SH3D21: variants seen among roughly 807,000 people sequenced by gnomAD.
SH3D21 encodes the protein manchette microtubule inner protein 1.
Under a neutral mutation model 82.1 loss-of-function variants are expected in SH3D21, and 83 were observed. The ratio of observed to expected loss-of-function variants is 1.01; its 90% confidence interval spans 0.85 to 1.21. SH3D21 has a LOEUF of 1.21. SH3D21 is among the 50% of genes most tolerant of loss of function. The probability of loss-of-function intolerance (pLI) is 0.00; values close to 1 mark genes in which losing one functional copy is unlikely to be tolerated. For synonymous variants in SH3D21, 383 were observed against 387.8 expected (o/e 0.99, Z 0.15); for missense variants, 980 against 962.1 (o/e 1.02, Z -0.25).
At chr1:36,329,262 C>T (rs1412835852), downstream of SH3D21, 1 of 152,192 alleles carries the variant, frequency 6.6e-6, no homozygotes, top group Non-Finnish European at 1.5e-5. Flanking sequence ...GGTCACAGCT[C>T]TGTGTACAGA....
At position 36,321,017 on chromosome 1, in the gene SH3D21, G is replaced by A; in HGVS notation, c.2199+39G>A. The stretch of plus-strand genomic sequence containing the variant: ...CCCGGCGGGAGGGGGCTGACGGCGA[G>A]TGGCCCCCTGACAAAGTCTCCACCT... On this transcript the variant is annotated intron_variant, in intron 15 of 15. Transcript: ENST00000453908. The surrounding 1 kb of genome is among the most constrained non-coding windows in gnomAD (Gnocchi z 6.1). 6.3e-7 allele frequency: 1 copy of A among 1,587,590 alleles called. No individual in the cohort carries two copies. Among genetic ancestry groups the A allele is most frequent in the Non-Finnish European group, 8.6e-7 (1 of 1,167,654 alleles).
At position 36,307,420 on chromosome 1, in the gene SH3D21, G is replaced by A; in HGVS notation, c.346-97G>A. The A allele has an allele frequency of 6.6e-7, 1 of 1,504,792 alleles. No homozygotes were observed. The highest frequency in any genetic ancestry group is 9.0e-7 in the Non-Finnish European group (1 of 1,110,974). 93.2% of individuals were successfully genotyped at this position (1,504,792 alleles called of 1,614,324 possible). On this transcript the variant is annotated intron_variant, in intron 4 of 15. Transcript: ENST00000453908. This position sits in a 1 kb window ranked among gnomAD's most constrained non-coding sequence, Gnocchi z 5.4. Reference sequence around the variant, plus strand: ...TACGGGGAAGCGCGGGAGGGAAGGAGGGAGGAAGGGGCGCTTGGGCAGAAC... The same window carrying A: ...TACGGGGAAGCGCGGGAGGGAAGGAAGGAGGAAGGGGCGCTTGGGCAGAAC...
intron 10 of SH3D21, among the ~76,000 whole-genome samples, chr1:36,313,327 C>CAATAAATAAATAAATAAATA (rs60993866): frequency 0.02 from 2,907 of 142,530 alleles, 40 homozygotes; most frequent in African/African-American, 0.026. Context: ...CTCTGTCTCA[C>CAATAAATAAATAAATAAATA]AATAAATAAA....
intron 10 of SH3D21, among the ~76,000 whole-genome samples, chr1:36,316,588 T>TG (rs1646347812): frequency 6.6e-6 from 1 of 152,024 alleles, no homozygotes; most frequent in Non-Finnish European, 1.5e-5. Context: ...CACCAGAAGC[T>TG]GCTTCGGTCC....
intron 10 of SH3D21, 115 bp from the exon 11 acceptor site, chr1:36,318,956 G>C (rs893439797): frequency 1.6e-4 from 81 of 512,872 alleles, no homozygotes; most frequent in Non-Finnish European, 1.4e-4. Context: ...AATTAGCCGG[G>C]TGCAGTGGCG....
Position 36,306,768 on chromosome 1 carries a change from CA to C in SH3D21, c.162+14del. 1 of 1,290,608 alleles carries C rather than the reference CA, an allele frequency of 7.7e-7. No homozygotes were observed. The highest frequency in any genetic ancestry group is 1.2e-5 in the South Asian group (1 of 80,626). The allele number at this position is 1,290,608 out of a possible 1,614,324, so 79.9% of individuals were successfully genotyped here. ...GCGCCTGGTGCAGGTGAGGCCGAGC[CA>C]GGGGCGGGCTGTGGGGTCTCAGCGC... On this transcript the variant is annotated intron_variant, in intron 2 of 15. Transcript: ENST00000453908. The surrounding 1 kb of genome is among the most constrained non-coding windows in gnomAD (Gnocchi z 4.5).
chr1:36,306,851 G>C lies in SH3D21; in HGVS notation c.172G>C (p.Glu58Gln). 7.7e-7 allele frequency: 1 copy of C among 1,298,034 alleles called. No homozygotes were observed. Among genetic ancestry groups the C allele is most frequent in the Middle Eastern group, 3.2e-4 (1 of 3,128 alleles). The allele number at this position is 1,298,034 out of a possible 1,614,324, so 80.4% of individuals were successfully genotyped here. A position where few individuals can be genotyped will look rare whatever the true frequency, so the allele number is the denominator to read the frequency against. Reference protein sequence around the residue: ...FPERLVQEIPETLRGSGEARR... With the variant: ...FPERLVQEIPQTLRGSGEARR... ...GTGCCCTGATTCCCAGGAGATCCCA[G>C]AGACCCTGCGGGGCTCCGGAGAGGC... Residue 58 changes from glutamate to glutamine, a missense_variant, in exon 3 of 16, where the codon GAG becomes CAG. Coordinates refer to ENST00000453908, the MANE Select transcript of SH3D21 (RefSeq NM_001162530.2). The surrounding 1 kb of genome is among the most constrained non-coding windows in gnomAD (Gnocchi z 4.5).
downstream of SH3D21, chr1:36,323,755 G>C (rs56310351): frequency 0.064 from 9,659 of 152,022 alleles, 440 homozygotes; most frequent in Non-Finnish European, 0.096. Context: ...CCCGCGGGCC[G>C]TCCGTCCCCC....
rs747593094 is a variant in SH3D21 at position 36,320,549 on chromosome 1, C to T, written c.1886C>T (p.Thr629Ile). The T allele has an allele frequency of 1.1e-4, 172 of 1,614,040 alleles. No individual in the cohort carries two copies. Among genetic ancestry groups the T allele is most frequent in the Non-Finnish European group, 1.4e-4 (167 of 1,180,034 alleles). ...GGAGTGGCTTCCAAAGAGGAGGTGA[C>T]CCTGAAAGAGGAATTGCCCCCTAAA... is the stretch of plus-strand genomic sequence containing the variant. ...KEGVASKEEV[T>I]LKEELPPKEE... The change falls in exon 14 of 16, where the codon ACC (threonine) becomes ATC (isoleucine). Residue 629 changes from threonine (T) to isoleucine (I), a missense_variant. By Grantham distance (89) the Thr-to-Ile change is moderately conservative. Coordinates refer to ENST00000453908, the MANE Select transcript of SH3D21 (RefSeq NM_001162530.2).
chr1:36,319,908 C>G lies in SH3D21; in HGVS notation c.1245C>G (p.Thr415=), dbSNP rs200278284. The change falls in exon 14 of 16, where the codon ACC becomes ACG. Residue 415 remains threonine, a synonymous_variant. Transcript: ENST00000453908. Reference sequence around the variant, plus strand: ...TCCCAGCTCCTGACAAAGTCCCCACCCCAGAGAAGATGGTGACTCCGGAGG... The same window carrying G: ...TCCCAGCTCCTGACAAAGTCCCCACGCCAGAGAAGATGGTGACTCCGGAGG... ...GKIPAPDKVP[T]PEKMVTPEDK... is the part of the protein sequence containing the mutation. The G allele has an allele frequency of 1.3e-5, 21 of 1,614,026 alleles. No individual in the cohort carries two copies. Among genetic ancestry groups the G allele is most frequent in the Non-Finnish European group, 1.8e-5 (21 of 1,180,010 alleles).
Position 36,320,983 on chromosome 1 carries a change from G to C in SH3D21, c.2199+5G>C. On this transcript the variant is annotated splice_donor_5th_base_variant and intron_variant, in intron 15 of 15. Coordinates refer to ENST00000453908, the MANE Select transcript of SH3D21 (RefSeq NM_001162530.2). ...GAGCAGCGCCGGCGGCTGGAGGTGA[G>C]GCGCGGGTCCCGGCGGGAGGGGGCT... The C allele has an allele frequency of 6.4e-7, 1 of 1,573,220 alleles. No individual in the cohort carries two copies. The highest frequency in any genetic ancestry group is 1.2e-5 in the South Asian group (1 of 86,472).
In SH3D21 at chr1:36,307,665, C is replaced by T; in HGVS notation, c.436+58C>T. ...CAATCTCCAATGACCCTCCCAGTGGCATGAGCCTGTGATTCACATATCCTG... is the reference window on the plus strand; with the variant it reads ...CAATCTCCAATGACCCTCCCAGTGGTATGAGCCTGTGATTCACATATCCTG... On this transcript the variant is annotated intron_variant, in intron 5 of 15. Coordinates refer to ENST00000453908, the MANE Select transcript of SH3D21 (RefSeq NM_001162530.2). This position sits in a 1 kb window ranked among gnomAD's most constrained non-coding sequence, Gnocchi z 5.4. 1 of 1,542,552 alleles carries T rather than the reference C, an allele frequency of 6.5e-7. No homozygotes were observed. Among genetic ancestry groups the T allele is most frequent in the South Asian group, 1.2e-5 (1 of 83,336 alleles).
In SH3D21 at chr1:36,307,614, C is replaced by A. The variant is rs1444687457; in HGVS notation, c.436+7C>A. ...CTGGACAGTGGGCCCCCAAGTGAGA[C>A]CTCGACTCTGTGACCCTGTGACTCG... On this transcript the variant is annotated splice_region_variant and intron_variant, in intron 5 of 15. Coordinates refer to ENST00000453908, the MANE Select transcript of SH3D21 (RefSeq NM_001162530.2). The surrounding 1 kb of genome is among the most constrained non-coding windows in gnomAD (Gnocchi z 5.4). 6.4e-7 allele frequency: 1 copy of A among 1,551,250 alleles called. No homozygotes were observed. The highest frequency in any genetic ancestry group is 1.4e-5 in the African/African-American group (1 of 73,012).
chr1:36,328,520 CAGCACT>C (rs1178049835), downstream of SH3D21: 2 of 242,192 alleles, frequency 8.3e-6, no homozygotes, highest in African/African-American at 4.4e-5. Flanking sequence ...TCTGTAATCC[CAGCACT>C]TTGGGAGGCC....
At chr1:36,314,165 CG>C (rs1230233279) in intron 10 of SH3D21, among the ~76,000 whole-genome samples, 7 of 149,668 alleles carry the variant, frequency 4.7e-5, no homozygotes, top group Admixed American at 2.0e-4. Context: ...TTAGTAGAGA[CG>C]GGGTTTCACT....
Position 36,319,104 on chromosome 1 carries a change from A to C in SH3D21, c.803A>C (p.Lys268Thr). The change falls in exon 11 of 16, where the codon AAA (lysine) becomes ACA (threonine). Residue 268 changes from lysine to threonine, a missense_variant. Transcript: ENST00000453908. ...AAGGAACCAAAAAAGTTGATGCCCA[A>C]AACATCCCTCCCCACAGTCAAGAAG... ...PIKEPKKLMP[K>T]TSLPTVKKLA... 1.9e-6 allele frequency: 3 copies of C among 1,551,518 alleles called. No homozygotes were observed. Among genetic ancestry groups the C allele is most frequent in the Non-Finnish European group, 2.6e-6 (3 of 1,146,884 alleles).
chr1:36,321,661 G>A (rs1477461263), downstream of SH3D21: 26 of 1,015,490 alleles, frequency 2.6e-5, 1 homozygote, highest in South Asian at 5.0e-4. The surrounding 1 kb of genome is among the most constrained non-coding windows in gnomAD (Gnocchi z 6.1). Flanking sequence ...TGCTTACACC[G>A]GGGCTAGCAG....
intron 10 of SH3D21, among the ~76,000 whole-genome samples, chr1:36,313,281 G>A (rs577683108): frequency 2.6e-5 from 4 of 151,794 alleles, no homozygotes; most frequent in Non-Finnish European, 2.9e-5. Flanking sequence ...AGCCGAGATC[G>A]CGTCACTGCA....
chr1:36,307,019 C>G lies in SH3D21; in HGVS notation c.226+114C>G. The stretch of plus-strand genomic sequence containing the variant: ...GCTCTGGGCGGGACCTCGGGGCCGC[C>G]CTGCGGTCTGTGATTGGTTCTCGAG... On this transcript the variant is annotated intron_variant, in intron 3 of 15. Coordinates refer to ENST00000453908, the MANE Select transcript of SH3D21 (RefSeq NM_001162530.2). This position sits in a 1 kb window ranked among gnomAD's most constrained non-coding sequence, Gnocchi z 5.4. The G allele has an allele frequency of 7.0e-7, 1 of 1,432,308 alleles. No individual in the cohort carries two copies. The highest frequency in any genetic ancestry group is 9.2e-7 in the Non-Finnish European group (1 of 1,088,586). 88.7% of individuals were successfully genotyped at this position (1,432,308 alleles called of 1,614,324 possible). A position where few individuals can be genotyped will look rare whatever the true frequency, so the allele number is the denominator to read the frequency against.
Sources: gnomAD v4.1 joint callset for allele counts (sites outside exome capture counted in the v4.1 genomes callset) on GRCh38, gnomAD v4.1.1 for gene constraint, Gnocchi (gnomAD v3.1) non-coding constraint, MANE v1.5 for transcripts, NCBI Gene and HGNC (gene_info 2026-07-23, HGNC 2026-07-21) for gene names.